Variants in UBAP1 observed in about 807,000 individuals in gnomAD.
UBAP1 encodes ubiquitin associated protein 1.
A neutral mutation model predicts 39.0 loss-of-function variants in UBAP1; 5 were observed. The ratio of observed to expected loss-of-function variants is 0.13; its 90% confidence interval spans 0.07 to 0.27. UBAP1 has a LOEUF of 0.27. Ranked by LOEUF, UBAP1 falls within the 10% of genes least tolerant of loss-of-function variation. The probability of loss-of-function intolerance (pLI) is 1.00; values close to 1 mark genes in which losing one functional copy is unlikely to be tolerated. For synonymous variants in UBAP1, 211 were observed against 225.1 expected (o/e 0.94, Z 0.56); for missense variants, 490 against 608.1 (o/e 0.81, Z 2.04).
At chr9:34,195,604 T>C (rs1216721294) in intron 1 of UBAP1, among the ~76,000 whole-genome samples, 1 of 152,048 alleles carries the variant, frequency 6.6e-6, no homozygotes, top group African/African-American at 2.4e-5. Context: ...TTTTCTTTTT[T>C]TTTTTTTTCT....
In UBAP1 at chr9:34,241,820, C is replaced by T. The variant is rs1338769483; in HGVS notation, c.795C>T (p.Ser265=). The T allele has an allele frequency of 6.2e-7, 1 of 1,613,942 alleles. No individual in the cohort carries two copies. Residue 265 remains serine, a synonymous_variant, in exon 4 of 7, where the codon TCC becomes TCT. Coordinates refer to ENST00000297661, the MANE Select transcript of UBAP1 (RefSeq NM_016525.5). ...PPIPAVSNIK[S]LSFPKLDSDD... is the part of the protein sequence containing the mutation. ...TACCTGCAGTAAGCAATATCAAATC[C>T]CTGTCTTTCCCCAAACTTGACTCTG...
chr9:34,187,930 A>G (rs1587786446), intron 1 of UBAP1, among the ~76,000 whole-genome samples: 1 of 151,810 alleles, frequency 6.6e-6, no homozygotes, highest in South Asian at 2.1e-4. Flanking sequence ...ACATATATAC[A>G]TCTTGGTGGC....
intron 3 of UBAP1, among the ~76,000 whole-genome samples, chr9:34,239,357 TG>T (rs1185850028): frequency 2.0e-5 from 3 of 152,254 alleles, no homozygotes; most frequent in Non-Finnish European, 4.4e-5. Flanking sequence ...TTTGACTGTC[TG>T]GAGTCTCCAT....
intron 1 of UBAP1, chr9:34,191,979 T>A (rs987924111): frequency 2.0e-4 from 30 of 151,510 alleles, no homozygotes; most frequent in East Asian, 7.8e-4. Flanking sequence ...TTTTTTTTTT[T>A]AATTTTTTAA....
chr9:34,199,294 C>T (rs916294318), intron 1 of UBAP1, among the ~76,000 whole-genome samples: 3 of 152,118 alleles, frequency 2.0e-5, no homozygotes, highest in Admixed American at 6.6e-5. Context: ...AGGATGGTCT[C>T]GAACCCCTGA....
chr9:34,251,596 C>A lies in UBAP1; in HGVS notation c.*64C>A. 6.4e-7 allele frequency: 1 copy of A among 1,560,268 alleles called. No individual in the cohort carries two copies. The highest frequency in any genetic ancestry group is 8.7e-7 in the Non-Finnish European group (1 of 1,155,446). On this transcript the variant is annotated 3_prime_UTR_variant, in exon 7 of 7. Coordinates refer to ENST00000297661, the MANE Select transcript of UBAP1 (RefSeq NM_016525.5). The stretch of plus-strand genomic sequence containing the variant: ...CCCTGGGAGGCCCTGCAGAGCCCAC[C>A]TGTGGGGAAAGAGAAGGGGCAGCTT...
chr9:34,229,404 C>T (rs1239852168), intron 2 of UBAP1, among the ~76,000 whole-genome samples: 1 of 151,724 alleles, frequency 6.6e-6, no homozygotes, highest in African/African-American at 2.4e-5. Flanking sequence ...ATTACAGGCA[C>T]ACACCACCAT....
At chr9:34,235,340 T>TAC (rs1389067037) in intron 3 of UBAP1, among the ~76,000 whole-genome samples, 1 of 151,742 alleles carries the variant, frequency 6.6e-6, no homozygotes, top group African/African-American at 2.4e-5. Context: ...TGTATATATA[T>TAC]ATGTATGTAT....
chr9:34,208,777 CAA>C (rs58813667), intron 1 of UBAP1, among the ~76,000 whole-genome samples: 25,653 of 115,616 alleles, frequency 0.22, 2,998 homozygotes, highest in Non-Finnish European at 0.29. Flanking sequence ...GACTCTGTCT[CAA>C]AAAAAAAAAA....
At chr9:34,238,986 T>A (rs1026689414) in intron 3 of UBAP1, among the ~76,000 whole-genome samples, 17 of 152,328 alleles carry the variant, frequency 1.1e-4, no homozygotes, top group African/African-American at 4.1e-4. Flanking sequence ...CAAAAGGAGA[T>A]CAAAGCTAAG....
intron 6 of UBAP1, 125 bp downstream of exon 6, chr9:34,250,884 G>A: frequency 2.5e-6 from 2 of 785,162 alleles, no homozygotes; most frequent in South Asian, 1.4e-5. Context: ...ACAAGTATTT[G>A]AAGGGCAGAA....
At chr9:34,186,133 T>C (rs889901386) in intron 1 of UBAP1, among the ~76,000 whole-genome samples, 1 of 152,232 alleles carries the variant, frequency 6.6e-6, no homozygotes, top group African/African-American at 2.4e-5. Context: ...TGTGAACTGC[T>C]TGTTCTCATT....
chr9:34,237,818 T>G (rs569824434), intron 3 of UBAP1, among the ~76,000 whole-genome samples: 1 of 152,308 alleles, frequency 6.6e-6, no homozygotes, highest in South Asian at 2.1e-4. Flanking sequence ...TCTGCCCACC[T>G]CAGCCTCCCA....
intron 1 of UBAP1, among the ~76,000 whole-genome samples, chr9:34,207,784 G>C (rs1411278902): frequency 6.6e-6 from 1 of 150,864 alleles, no homozygotes; most frequent in African/African-American, 2.4e-5. Context: ...ATATATGAAG[G>C]CTGTTTCAGA....
chr9:34,235,305 A>ATG (rs1182210532), intron 3 of UBAP1, among the ~76,000 whole-genome samples: 20 of 119,214 alleles, frequency 1.7e-4, no homozygotes, highest in Admixed American at 3.8e-4. Flanking sequence ...GTGTATATAT[A>ATG]TATGTGTGTG....
intron 1 of UBAP1, among the ~76,000 whole-genome samples, chr9:34,187,064 C>A (rs757768991): frequency 6.6e-6 from 1 of 152,104 alleles, no homozygotes; most frequent in African/African-American, 2.4e-5. Context: ...CCTGCCACCA[C>A]GCCCAGCTAA....
At chr9:34,229,497 C>T (rs1833295632) in intron 2 of UBAP1, among the ~76,000 whole-genome samples, 1 of 151,026 alleles carries the variant, frequency 6.6e-6, no homozygotes, top group Non-Finnish European at 1.5e-5. Context: ...ACCTCGTGAT[C>T]CTCCCACCTC....
intron 4 of UBAP1, among the ~76,000 whole-genome samples, chr9:34,243,262 C>T (rs1240927513): frequency 6.6e-6 from 1 of 152,186 alleles, no homozygotes. Flanking sequence ...CTCCCTTCCT[C>T]TCATTTAAAG....
At chr9:34,181,493 C>T (rs1478777210) in intron 1 of UBAP1, among the ~76,000 whole-genome samples, 1 of 151,394 alleles carries the variant, frequency 6.6e-6, no homozygotes, top group East Asian at 2.0e-4. Flanking sequence ...AGTGCAGTGG[C>T]GCGATCTCGG....
Sources: gnomAD v4.1 joint callset for allele counts (sites outside exome capture counted in the v4.1 genomes callset) on GRCh38, gnomAD v4.1.1 for gene constraint, MANE v1.5 for transcripts, NCBI Gene and HGNC (gene_info 2026-07-23, HGNC 2026-07-21) for gene names.